Variants in FOXP4 observed in about 807,000 individuals in gnomAD.
FOXP4 encodes forkhead box P4, also known as forkhead box protein P4.
Under a neutral mutation model 82.6 loss-of-function variants are expected in FOXP4, and 25 were observed. That is an observed-to-expected ratio of 0.30 (90% CI 0.22 to 0.42). FOXP4 has a LOEUF of 0.42. Ranked by LOEUF, FOXP4 falls within the 10% of genes least tolerant of loss-of-function variation. The probability of loss-of-function intolerance (pLI) is 1.00; values close to 1 mark genes in which losing one functional copy is unlikely to be tolerated. For synonymous variants in FOXP4, 415 were observed against 388.2 expected (o/e 1.07, Z -0.81); for missense variants, 785 against 900.9 (o/e 0.87, Z 1.65).
intron 15 of FOXP4, 76 bp from the exon 16 acceptor site, chr6:41,597,705 G>A (rs1766934395): frequency 3.9e-6 from 6 of 1,519,164 alleles, no homozygotes; most frequent in Non-Finnish European, 4.4e-6. Context: ...CTAGTGGGCG[G>A]GGAAGGCACA....
chr6:41,595,054 A>G (rs1265811513), intron 14 of FOXP4, 63 bp downstream of exon 14: 1 of 1,603,642 alleles, frequency 6.2e-7, no homozygotes, highest in Non-Finnish European at 8.5e-7. Flanking sequence ...ACTCACCCCC[A>G]CCCCCTACCT....
At chr6:41,590,415 C>G in intron 12 of FOXP4, 68 bp downstream of exon 12, 1 of 1,537,884 alleles carries the variant, frequency 6.5e-7, no homozygotes, top group Non-Finnish European at 8.9e-7. Context: ...CCCGCCACAC[C>G]CCTGCCTCCA....
At position 41,593,310 on chromosome 6, in the gene FOXP4, G is replaced by A. The variant is rs1051619387; in HGVS notation, c.1537-1560G>A. On this transcript the variant is annotated intron_variant, in intron 13 of 16. Transcript: ENST00000307972. The surrounding 1 kb of genome is among the most constrained non-coding windows in gnomAD (Gnocchi z 4.1). ...TTTCCACCTCAGACCAGGGCAGAAG[G>A]GTTGGGAGCGGGCATGGTGTGGGCC... 1.3e-5 allele frequency among the ~76,000 whole-genome samples: 2 copies of A among 152,126 alleles called. No homozygotes were observed. Among genetic ancestry groups the A allele is most frequent in the Non-Finnish European group, 2.9e-5 (2 of 68,030 alleles).
chr6:41,587,084 A>T lies in FOXP4; in HGVS notation c.586A>T (p.Asn196Tyr), dbSNP rs1447274580. Residue 196 changes from asparagine (N) to tyrosine (Y), a missense_variant, in exon 6 of 17, where the codon AAC becomes TAC. This residue lies in a region of FOXP4 where 570 missense variants were observed against 634.0 expected (regional missense o/e 0.90). Transcript: ENST00000307972. ...MQQLQQQHLL[N>Y]LQRQGLVSLQ... is the part of the protein sequence containing the mutation. The stretch of plus-strand genomic sequence containing the variant: ...ACAGTTGCAGCAGCAGCACCTGCTC[A>T]ACCTGCAGAGGCAGGGGCTGGTCAG... 1 of 1,609,564 alleles carries T rather than the reference A, an allele frequency of 6.2e-7. No homozygotes were observed. Among genetic ancestry groups the T allele is most frequent in the Admixed American group, 1.7e-5 (1 of 59,928 alleles).
At chr6:41,562,373 G>A (rs978912729) in intron 1 of FOXP4, among the ~76,000 whole-genome samples, 2 of 152,152 alleles carry the variant, frequency 1.3e-5, no homozygotes, top group African/African-American at 4.8e-5. Flanking sequence ...ATAATCTCAA[G>A]CATGCAAATG....
chr6:41,578,401 T>C (rs1462770807), intron 3 of FOXP4, among the ~76,000 whole-genome samples: 2 of 152,072 alleles, frequency 1.3e-5, no homozygotes, highest in African/African-American at 4.8e-5. Context: ...AGGGTCTCTC[T>C]TGGTCACTTC....
At chr6:41,587,960 T>G (rs1019863793) in intron 8 of FOXP4, 63 bp downstream of exon 8, 1 of 650,732 alleles carries the variant, frequency 1.5e-6, no homozygotes, top group Admixed American at 2.9e-5. Flanking sequence ...CCCCCAACCC[T>G]GCCCACTAGC....
Position 41,601,787 on chromosome 6 carries a change from T to TA in FOXP4, c.*2852dup, listed in dbSNP as rs1305390113. On this transcript the variant is annotated 3_prime_UTR_variant, in exon 17 of 17. Coordinates refer to ENST00000307972, the MANE Select transcript of FOXP4 (RefSeq NM_001012426.2). The stretch of plus-strand genomic sequence containing the variant: ...CACTGCACCCGGCTCTCACTGGTCT[T>TA]ACGCCACCTTCTGGACACTCCCTCC... 5 of 152,364 alleles carry TA rather than the reference T, an allele frequency of 3.3e-5. No individual in the cohort carries two copies. The East Asian group carries it at 5.8e-4, about 18-fold the overall frequency. 9.4% of individuals were successfully genotyped at this position (152,364 alleles called of 1,614,324 possible). A position where few individuals can be genotyped will look rare whatever the true frequency, so the allele number is the denominator to read the frequency against.
At chr6:41,566,712 A>G (rs1288721894) in intron 2 of FOXP4, among the ~76,000 whole-genome samples, 1 of 152,128 alleles carries the variant, frequency 6.6e-6, no homozygotes, top group Non-Finnish European at 1.5e-5. Flanking sequence ...GTTGAGGAGA[A>G]CCTTCCCAGC....
chr6:41,559,723 A>G (rs969188300), intron 1 of FOXP4, among the ~76,000 whole-genome samples: 3 of 152,146 alleles, frequency 2.0e-5, no homozygotes, highest in African/African-American at 7.2e-5. Context: ...TTGCAGATAT[A>G]TCATCTAGTT....
chr6:41,551,207 A>G (rs1360970899), intron 1 of FOXP4, among the ~76,000 whole-genome samples: 2 of 152,202 alleles, frequency 1.3e-5, no homozygotes, highest in African/African-American at 4.8e-5. Context: ...TGCCTGATCT[A>G]GAAAACAAGA....
At position 41,546,667 on chromosome 6, in the gene FOXP4, A is replaced by G. The variant is rs1401248648; in HGVS notation, c.-217A>G. ...GCCGGAGCGAGCCAAGCAGCCCACA[A>G]AGTGCCATGCCCCGGCGGGGTTGAG... On this transcript the variant is annotated 5_prime_UTR_variant, in exon 1 of 17. Coordinates refer to ENST00000307972, the MANE Select transcript of FOXP4 (RefSeq NM_001012426.2). The G allele has an allele frequency of 2.0e-5, 3 of 146,726 alleles. No individual in the cohort carries two copies. The highest frequency in any genetic ancestry group is 7.3e-5 in the African/African-American group (3 of 40,876). 9.1% of individuals were successfully genotyped at this position (146,726 alleles called of 1,614,324 possible).
chr6:41,557,667 C>G (rs1368636735), intron 1 of FOXP4, among the ~76,000 whole-genome samples: 1 of 152,146 alleles, frequency 6.6e-6, no homozygotes, highest in African/African-American at 2.4e-5. Flanking sequence ...GATTATGACC[C>G]AAATTTCACT....
chr6:41,594,516 T>A (rs998269336), intron 13 of FOXP4, among the ~76,000 whole-genome samples: 5 of 152,224 alleles, frequency 3.3e-5, no homozygotes, highest in Non-Finnish European at 7.3e-5. Flanking sequence ...TCCAAAGCCC[T>A]GAGTAACAAT....
At chr6:41,592,888 T>C (rs1333715029) in intron 13 of FOXP4, among the ~76,000 whole-genome samples, 2 of 152,206 alleles carry the variant, frequency 1.3e-5, no homozygotes, top group Non-Finnish European at 2.9e-5. Context: ...CACATCTCTG[T>C]GGTGTGTTCC....
intron 1 of FOXP4, among the ~76,000 whole-genome samples, chr6:41,551,091 G>C (rs938832750): frequency 6.6e-6 from 1 of 152,210 alleles, no homozygotes; most frequent in Non-Finnish European, 1.5e-5. Context: ...ACCAAGCCGG[G>C]ATCACAGCGG....
intron 8 of FOXP4, among the ~76,000 whole-genome samples, chr6:41,588,221 G>T (rs1316365817): frequency 6.6e-6 from 1 of 152,196 alleles, no homozygotes; most frequent in Non-Finnish European, 1.5e-5. Context: ...GGGAGTGATG[G>T]CGAGTGACAG....
chr6:41,568,279 T>A (rs1302798220), intron 2 of FOXP4, among the ~76,000 whole-genome samples: 1 of 152,200 alleles, frequency 6.6e-6, no homozygotes. Flanking sequence ...TCACATATGC[T>A]GTGTTGTTAT....
chr6:41,589,357 TG>T (rs1393451956), intron 9 of FOXP4, among the ~76,000 whole-genome samples: 2 of 152,232 alleles, frequency 1.3e-5, no homozygotes, highest in African/African-American at 4.8e-5. Flanking sequence ...AGTTTATGAA[TG>T]GGGTGTCTGA....
Sources: gnomAD v4.1 joint callset for allele counts (sites outside exome capture counted in the v4.1 genomes callset) on GRCh38, gnomAD v4.1.1 for gene constraint, gnomAD v4.1.1 regional missense constraint, Gnocchi (gnomAD v3.1) non-coding constraint, MANE v1.5 for transcripts, NCBI Gene and HGNC (gene_info 2026-07-23, HGNC 2026-07-21) for gene names.